Variants in THSD7B observed in about 807,000 individuals in gnomAD.
The protein encoded by THSD7B is thrombospondin type 1 domain containing 7B.
A neutral mutation model predicts 213.6 loss-of-function variants in THSD7B; 138 were observed. The observed-to-expected ratio is 0.65, with a 90% CI of 0.56 to 0.74. THSD7B has a LOEUF of 0.74. THSD7B is among the 30% of genes least tolerant of loss of function. THSD7B has a pLI of 0.00. For missense variants in THSD7B, 1,931 were observed against 1,991.5 expected (o/e 0.97, Z 0.58); for synonymous variants, 742 against 687.0 (o/e 1.08, Z -1.25).
intron 2 of THSD7B, among the ~76,000 whole-genome samples, chr2:137,035,028 A>G (rs921048663): frequency 2.0e-5 from 3 of 152,180 alleles, no homozygotes; most frequent in African/African-American, 7.2e-5. Context: ...GTCTTCCACA[A>G]TGGTTCTTTC....
At chr2:137,383,712 A>G (rs1685829784) in intron 12 of THSD7B, among the ~76,000 whole-genome samples, 1 of 152,158 alleles carries the variant, frequency 6.6e-6, no homozygotes, top group African/African-American at 2.4e-5. Flanking sequence ...GCTTGCGTCC[A>G]TGGGTCATAC....
At chr2:137,576,054 T>C (rs1322178507) in intron 17 of THSD7B, among the ~76,000 whole-genome samples, 2 of 152,252 alleles carry the variant, frequency 1.3e-5, no homozygotes, top group East Asian at 3.9e-4. Context: ...GTTTATAAAT[T>C]TCTGGATGCA....
intron 5 of THSD7B, among the ~76,000 whole-genome samples, chr2:137,115,535 G>C (rs1047415209): frequency 6.6e-6 from 1 of 152,140 alleles, no homozygotes; most frequent in African/African-American, 2.4e-5. Context: ...AGAAAATGTA[G>C]TTAGGGTGTG....
intron 12 of THSD7B, among the ~76,000 whole-genome samples, chr2:137,282,028 A>G (rs1024488597): frequency 6.6e-6 from 1 of 152,052 alleles, no homozygotes; most frequent in African/African-American, 2.4e-5. Context: ...CAACAGTGTA[A>G]AAGTGTTCCT....
At position 137,451,033 on chromosome 2, in the gene THSD7B, A is replaced by T; in HGVS notation, c.3138+10A>T. On this transcript the variant is annotated intron_variant, in intron 15 of 27. Transcript: ENST00000409968. ...GGATCTCAAGAATCAGGTAAAGTGC[A>T]TGAAGCAACAAATAAAAAGCTAAAA... The T allele has an allele frequency of 3.2e-6, 5 of 1,552,288 alleles. No individual in the cohort carries two copies. Among genetic ancestry groups the T allele is most frequent in the South Asian group, 2.5e-5 (2 of 81,630 alleles).
chr2:137,461,287 T>C (rs1238265741), intron 15 of THSD7B, among the ~76,000 whole-genome samples: 2 of 152,122 alleles, frequency 1.3e-5, no homozygotes, highest in Non-Finnish European at 1.5e-5. Flanking sequence ...CAGTAAGCAA[T>C]TGGCATTTCA....
At chr2:137,285,578 G>T (rs1301174029) in intron 12 of THSD7B, among the ~76,000 whole-genome samples, 2 of 146,424 alleles carry the variant, frequency 1.4e-5, no homozygotes, top group Non-Finnish European at 3.0e-5. Flanking sequence ...TCCTTCAGGA[G>T]CTCTTTTTTT....
At chr2:137,378,367 C>T (rs916216349) in intron 12 of THSD7B, among the ~76,000 whole-genome samples, 5 of 152,182 alleles carry the variant, frequency 3.3e-5, no homozygotes, top group African/African-American at 9.6e-5. Flanking sequence ...CTTTGCACAG[C>T]GTGTCCACTA....
At chr2:137,272,427 C>G (rs957280953) in intron 10 of THSD7B, 106 bp from the exon 11 acceptor site, 2 of 1,187,836 alleles carry the variant, frequency 1.7e-6, no homozygotes, top group Non-Finnish European at 2.3e-6. Context: ...TGACTTTCCA[C>G]ATGTGCTTAC....
At chr2:136,946,517 G>A (rs13021019) in intron 2 of THSD7B, among the ~76,000 whole-genome samples, 30,992 of 152,126 alleles carry the variant, frequency 0.2, 3,493 homozygotes, top group African/African-American at 0.3. Flanking sequence ...TCTCTTCAGA[G>A]CTGTCAGACA....
chr2:137,360,363 G>A (rs1288355361), intron 12 of THSD7B, among the ~76,000 whole-genome samples: 1 of 152,100 alleles, frequency 6.6e-6, no homozygotes, highest in East Asian at 1.9e-4. Flanking sequence ...ATTGGGACTG[G>A]TCAGACAGGG....
intron 7 of THSD7B, among the ~76,000 whole-genome samples, chr2:137,172,448 G>A (rs1468425809): frequency 6.6e-6 from 1 of 152,146 alleles, no homozygotes; most frequent in African/African-American, 2.4e-5. Context: ...TGAACTATGA[G>A]GTACAGAGAG....
intron 5 of THSD7B, among the ~76,000 whole-genome samples, chr2:137,122,192 T>C (rs1449205899): frequency 6.6e-6 from 1 of 152,132 alleles, no homozygotes; most frequent in Non-Finnish European, 1.5e-5. Flanking sequence ...GAGGAAAAAG[T>C]TTATAGAAGC....
chr2:136,782,059 G>A (rs1681752881), intron 1 of THSD7B, among the ~76,000 whole-genome samples: 1 of 152,186 alleles, frequency 6.6e-6, no homozygotes, highest in African/African-American at 2.4e-5. Context: ...CAAAATGCTG[G>A]TATGTTTTTG....
chr2:136,961,359 T>C (rs1432618736), intron 2 of THSD7B, among the ~76,000 whole-genome samples: 3 of 151,450 alleles, frequency 2.0e-5, no homozygotes, highest in Non-Finnish European at 4.4e-5. Flanking sequence ...TAGCTGGGAC[T>C]ACAGGCACAA....
intron 2 of THSD7B, among the ~76,000 whole-genome samples, chr2:137,021,356 C>A (rs998339623): frequency 7.9e-5 from 12 of 152,092 alleles, no homozygotes; most frequent in African/African-American, 2.9e-4. Context: ...AGTTTTGTTA[C>A]ATGGATATAT....
intron 12 of THSD7B, among the ~76,000 whole-genome samples, chr2:137,395,487 C>A (rs200675613): frequency 0.22 from 32,539 of 148,818 alleles, 3,632 homozygotes; most frequent in South Asian, 0.26. Context: ...ATATATTGAA[C>A]CAGCCTTGCA....
intron 14 of THSD7B, among the ~76,000 whole-genome samples, chr2:137,423,375 T>C (rs1275472914): frequency 6.6e-6 from 1 of 151,962 alleles, no homozygotes; most frequent in East Asian, 1.9e-4. Context: ...TAAAATAAAC[T>C]TATAAATAGA....
chr2:137,547,501 G>T (rs959499365), intron 15 of THSD7B, among the ~76,000 whole-genome samples: 1 of 151,826 alleles, frequency 6.6e-6, no homozygotes, highest in African/African-American at 2.4e-5. Context: ...TCTCTTTAAG[G>T]CTATATTATA....
Sources: gnomAD v4.1 joint callset for allele counts (sites outside exome capture counted in the v4.1 genomes callset) on GRCh38, gnomAD v4.1.1 for gene constraint, MANE v1.5 for transcripts, NCBI Gene and HGNC (gene_info 2026-07-23, HGNC 2026-07-21) for gene names.